Variants in STPG2 observed in about 807,000 individuals in gnomAD.
STPG2 encodes sperm-tail PG-rich repeat-containing protein 2.
A neutral mutation model predicts 54.2 loss-of-function variants in STPG2; 56 were observed. That is an observed-to-expected ratio of 1.03 (90% CI 0.83 to 1.29). The LOEUF is 1.29. Ranked by LOEUF, STPG2 falls within the 50% of genes most tolerant of loss-of-function variation. STPG2 has a pLI of 0.00. For synonymous variants in STPG2, 200 were observed against 181.8 expected (o/e 1.10, Z -0.81); for missense variants, 596 against 544.9 (o/e 1.09, Z -0.93).
At chr4:97,613,559 G>T (rs567295606) in intron 10 of STPG2, among the ~76,000 whole-genome samples, 1 of 150,300 alleles carries the variant, frequency 6.7e-6, no homozygotes, top group African/African-American at 2.4e-5. Context: ...TGGGGGGCAT[G>T]GTTTACATTC....
chr4:97,698,481 T>G (rs1723657545), intron 10 of STPG2, among the ~76,000 whole-genome samples: 1 of 152,160 alleles, frequency 6.6e-6, no homozygotes, highest in Non-Finnish European at 1.5e-5. Flanking sequence ...ACTTCCAATT[T>G]AATGGATTCA....
intron 10 of STPG2, among the ~76,000 whole-genome samples, chr4:97,626,187 A>C (rs1156952905): frequency 6.6e-6 from 1 of 152,088 alleles, no homozygotes; most frequent in Non-Finnish European, 1.5e-5. Flanking sequence ...AATATCATAA[A>C]CTCTCTTTTT....
At chr4:98,073,587 C>T (rs1036788095) in intron 5 of STPG2, among the ~76,000 whole-genome samples, 19 of 152,054 alleles carry the variant, frequency 1.2e-4, no homozygotes, top group African/African-American at 3.4e-4. Context: ...ATTAGTTGGG[C>T]GTGGTGGCAG....
chr4:97,508,419 T>A (rs1372245966), intron 4 of STPG2, among the ~76,000 whole-genome samples: 1 of 152,064 alleles, frequency 6.6e-6, no homozygotes, highest in African/African-American at 2.4e-5. Flanking sequence ...TTATTCACTA[T>A]CTTTGAATAT....
intron 9 of STPG2, among the ~76,000 whole-genome samples, chr4:97,733,462 G>C (rs1016720462): frequency 6.6e-6 from 1 of 151,320 alleles, no homozygotes; most frequent in African/African-American, 2.4e-5. Flanking sequence ...GAGGAATAGG[G>C]ATCAAAAACT....
chr4:97,765,932 T>G (rs1726033906), intron 9 of STPG2, among the ~76,000 whole-genome samples: 1 of 152,044 alleles, frequency 6.6e-6, no homozygotes, highest in Non-Finnish European at 1.5e-5. Flanking sequence ...TTAGACCCAA[T>G]TACTGGAAGC....
intron 8 of STPG2, among the ~76,000 whole-genome samples, chr4:97,844,741 T>C (rs1441134865): frequency 6.6e-6 from 1 of 151,994 alleles, no homozygotes; most frequent in Non-Finnish European, 1.5e-5. Flanking sequence ...TTTTCAGCAA[T>C]TATATCTTCA....
intron 9 of STPG2, among the ~76,000 whole-genome samples, chr4:97,748,388 G>A (rs1725483655): frequency 6.6e-6 from 1 of 151,508 alleles, no homozygotes; most frequent in Non-Finnish European, 1.5e-5. Context: ...AAGTTAGAAA[G>A]AACAGAAAGG....
downstream of STPG2, among the ~76,000 whole-genome samples, chr4:97,554,834 C>T (rs2148869792): frequency 6.6e-6 from 1 of 152,248 alleles, no homozygotes; most frequent in African/African-American, 2.4e-5. Flanking sequence ...CAACAGAAGA[C>T]ACTGGCTAGT....
At chr4:97,980,846 G>C (rs1165964528) in intron 6 of STPG2, among the ~76,000 whole-genome samples, 1 of 151,826 alleles carries the variant, frequency 6.6e-6, no homozygotes, top group Non-Finnish European at 1.5e-5. Flanking sequence ...TATTACTAAT[G>C]GTGACCACAT....
intron 5 of STPG2, among the ~76,000 whole-genome samples, chr4:97,990,228 T>C (rs1293790447): frequency 1.3e-5 from 2 of 152,210 alleles, no homozygotes; most frequent in Non-Finnish European, 2.9e-5. Flanking sequence ...AAGATCCTAA[T>C]GTTATTGAAC....
At chr4:97,905,621 G>T (rs1197524087) in intron 8 of STPG2, among the ~76,000 whole-genome samples, 1 of 152,022 alleles carries the variant, frequency 6.6e-6, no homozygotes, top group Admixed American at 6.6e-5. Context: ...AACTTTAAAT[G>T]TAAATGGACT....
intron 10 of STPG2, among the ~76,000 whole-genome samples, chr4:97,571,545 GCAA>G (rs1732601597): frequency 6.6e-6 from 1 of 152,070 alleles, no homozygotes; most frequent in Admixed American, 6.6e-5. Context: ...ACCTCTTATA[GCAA>G]CCCAGACATT....
intron 4 of STPG2, among the ~76,000 whole-genome samples, chr4:97,550,467 G>T: frequency 6.6e-6 from 1 of 152,064 alleles, no homozygotes; most frequent in East Asian, 1.9e-4. Flanking sequence ...GGGAAGAGTG[G>T]TTTGGGCTTA....
intron 10 of STPG2, among the ~76,000 whole-genome samples, chr4:97,674,839 A>G (rs1221977081): frequency 6.6e-6 from 1 of 152,192 alleles, no homozygotes; most frequent in Non-Finnish European, 1.5e-5. Context: ...ATTAATAATT[A>G]TAATACATGT....
chr4:97,922,401 T>C (rs1732143326), intron 8 of STPG2, among the ~76,000 whole-genome samples: 1 of 152,194 alleles, frequency 6.6e-6, no homozygotes, highest in Admixed American at 6.5e-5. Flanking sequence ...AATATTTAGA[T>C]GGCCTGACTA....
chr4:98,118,137 A>G (rs1194090025), intron 3 of STPG2, among the ~76,000 whole-genome samples: 1 of 152,156 alleles, frequency 6.6e-6, no homozygotes, highest in Non-Finnish European at 1.5e-5. Context: ...TCTCAGCCTA[A>G]TTAGCTGAGT....
At position 97,943,955 on chromosome 4, in the gene STPG2, G is replaced by C. The variant is rs1733100876; in HGVS notation, c.986C>G (p.Thr329Ser). 6.2e-7 allele frequency: 1 copy of C among 1,601,782 alleles called. No individual in the cohort carries two copies. Among genetic ancestry groups the C allele is most frequent in the South Asian group, 1.1e-5 (1 of 88,456 alleles). The change falls in exon 8 of 11, where the codon ACT (threonine) becomes AGT (serine). Residue 329 changes from threonine (T) to serine (S), a missense_variant. Physicochemically the swap from Thr to Ser is moderately conservative, Grantham distance 58. Transcript: ENST00000295268. ...TGACAAGAAAGCAGCATATTTGTTA[G>C]TCAAGTTAGGTAATTCATCAGAAAT... ...VGISDELPNLTNKYAAFLSRA... is the reference protein window; with the variant it reads ...VGISDELPNLSNKYAAFLSRA...
intron 5 of STPG2, among the ~76,000 whole-genome samples, chr4:98,022,766 T>C (rs1423787480): frequency 6.6e-6 from 1 of 152,216 alleles, no homozygotes; most frequent in Non-Finnish European, 1.5e-5. Context: ...ATTTCATTCA[T>C]TTCATCTTCC....
Sources: gnomAD v4.1 joint callset for allele counts (sites outside exome capture counted in the v4.1 genomes callset) on GRCh38, gnomAD v4.1.1 for gene constraint, MANE v1.5 for transcripts, NCBI Gene and HGNC (gene_info 2026-07-23, HGNC 2026-07-21) for gene names.